Variants in ABCA13 observed in about 807,000 individuals in gnomAD.
ABCA13 encodes ATP-binding cassette sub-family A member 13.
In ABCA13, 476 loss-of-function variants were observed where a neutral mutation model predicts 478.7. The ratio of observed to expected loss-of-function variants is 0.99; its 90% CI spans 0.92 to 1.07. ABCA13 has a LOEUF of 1.07. Ranked by LOEUF, ABCA13 falls within the 50% of genes least tolerant of loss-of-function variation. The probability of loss-of-function intolerance (pLI) is 0.00; values close to 1 mark genes in which losing one functional copy is unlikely to be tolerated. For synonymous variants in ABCA13, 2,252 were observed against 2,158.9 expected (o/e 1.04, Z -1.20); for missense variants, 6,060 against 5,910.6 (o/e 1.03, Z -0.83).
At chr7:48,310,414 T>C (rs936406679) in intron 24 of ABCA13, among the ~76,000 whole-genome samples, 1 of 152,182 alleles carries the variant, frequency 6.6e-6, no homozygotes, top group African/African-American at 2.4e-5. Flanking sequence ...GTGATCTCCA[T>C]GCTCATTGTG....
chr7:48,641,240 G>T lies in ABCA13; in HGVS notation c.14838-2048G>T, dbSNP rs553237803. On this transcript the variant is annotated intron_variant, in intron 59 of 61. Transcript: ENST00000435803. ...TGCATAAGAACATACAGCCATCTCT[G>T]TGCCACTGTCTCCTCATACCATTGT... Among the ~76,000 whole-genome samples the T allele has an allele frequency of 4.6e-5, 7 of 152,274 alleles. No individual in the cohort carries two copies. The South Asian group carries it at 1.5e-3, about 32-fold the overall frequency.
At chr7:48,623,464 A>G (rs1330042493) in intron 59 of ABCA13, among the ~76,000 whole-genome samples, 1 of 152,096 alleles carries the variant, frequency 6.6e-6, no homozygotes, top group Non-Finnish European at 1.5e-5. Context: ...TACATCCTTG[A>G]TCTTTTCACA....
chr7:48,305,595 C>T (rs1800787277), intron 23 of ABCA13, among the ~76,000 whole-genome samples: 2 of 152,324 alleles, frequency 1.3e-5, no homozygotes, highest in East Asian at 1.9e-4. Context: ...AGCCTTTCCT[C>T]CCATGCTTTC....
At chr7:48,349,300 A>G (rs184625644) in intron 29 of ABCA13, among the ~76,000 whole-genome samples, 1 of 152,214 alleles carries the variant, frequency 6.6e-6, no homozygotes, top group Admixed American at 6.5e-5. Context: ...ATAATGAATA[A>G]CAGTCTTTTC....
At chr7:48,372,722 A>G (rs1332606155) in intron 33 of ABCA13, among the ~76,000 whole-genome samples, 2 of 152,228 alleles carry the variant, frequency 1.3e-5, no homozygotes, top group Non-Finnish European at 2.9e-5. Context: ...TTTACATAAC[A>G]GAGACTTTCT....
At chr7:48,537,438 C>T (rs1276774331) in intron 55 of ABCA13, among the ~76,000 whole-genome samples, 2 of 152,110 alleles carry the variant, frequency 1.3e-5, no homozygotes, top group Non-Finnish European at 2.9e-5. Context: ...CTCAGCAAGG[C>T]AATTTTACTT....
At position 48,233,210 on chromosome 7, in the gene ABCA13, C is replaced by T. The variant is rs576280100; in HGVS notation, c.764-808C>T. The stretch of plus-strand genomic sequence containing the variant: ...TAGACCTCACTGCAATTATAAGGAT[C>T]CTATGAGATAATGCTTGTGAAAATG... On this transcript the variant is annotated intron_variant, in intron 7 of 61. Transcript: ENST00000435803. Among the ~76,000 whole-genome samples the T allele has an allele frequency of 8.5e-5, 13 of 152,158 alleles. No individual in the cohort carries two copies. The South Asian group carries it at 2.7e-3, about 32-fold the overall frequency.
Position 48,441,805 on chromosome 7 carries a change from G to C in ABCA13, c.12566-13232G>C, listed in dbSNP as rs1823630508. 2.0e-5 allele frequency among the ~76,000 whole-genome samples: 3 copies of C among 152,082 alleles called. 1 individual carries two copies. The highest frequency in any genetic ancestry group is 4.2e-4 in the South Asian group (2 of 4,812). Reference sequence around the variant, plus strand: ...TTATAGAGATGTGATTTGGATTTCTGGGCAGTGTTGAGAGCCCTGTTACTA... The same window carrying C: ...TTATAGAGATGTGATTTGGATTTCTCGGCAGTGTTGAGAGCCCTGTTACTA... On this transcript the variant is annotated intron_variant, in intron 42 of 61. Coordinates refer to ENST00000435803, the MANE Select transcript of ABCA13 (RefSeq NM_152701.5).
intron 59 of ABCA13, among the ~76,000 whole-genome samples, chr7:48,640,961 G>A (rs1029583216): frequency 5.9e-5 from 9 of 152,060 alleles, no homozygotes; most frequent in African/African-American, 2.2e-4. Context: ...TGGAAGACTG[G>A]TAGAATTTAC....
intron 59 of ABCA13, among the ~76,000 whole-genome samples, chr7:48,615,842 ATGG>A (rs1386634416): frequency 6.6e-6 from 1 of 152,170 alleles, no homozygotes; most frequent in Non-Finnish European, 1.5e-5. Context: ...GAGGGTTGTT[ATGG>A]TTGCTTTCCA....
intron 43 of ABCA13, among the ~76,000 whole-genome samples, chr7:48,456,744 G>A (rs1028065604): frequency 2.6e-5 from 4 of 151,880 alleles, no homozygotes; most frequent in African/African-American, 9.7e-5. Flanking sequence ...GTAGTATGTT[G>A]TTGGAGGCAC....
chr7:48,285,699 C>T (rs1240710427), intron 19 of ABCA13, among the ~76,000 whole-genome samples: 1 of 152,212 alleles, frequency 6.6e-6, no homozygotes, highest in Admixed American at 6.5e-5. Flanking sequence ...TTTCAGGGTG[C>T]ATTCTCTGCT....
At chr7:48,504,885 G>A (rs1004521971) in intron 48 of ABCA13, among the ~76,000 whole-genome samples, 2 of 152,156 alleles carry the variant, frequency 1.3e-5, no homozygotes, top group Non-Finnish European at 2.9e-5. Flanking sequence ...GACAGGACTG[G>A]CAGGCCCCAT....
At chr7:48,523,933 T>G (rs933201713) in intron 53 of ABCA13, among the ~76,000 whole-genome samples, 2 of 152,234 alleles carry the variant, frequency 1.3e-5, no homozygotes, top group Admixed American at 1.3e-4. Context: ...AATTTTGTGA[T>G]AAGCTATTTT....
At chr7:48,234,744 T>C (rs1789692288) in intron 8 of ABCA13, among the ~76,000 whole-genome samples, 1 of 152,176 alleles carries the variant, frequency 6.6e-6, no homozygotes, top group African/African-American at 2.4e-5. Context: ...TCCAGCCCAT[T>C]TGTAGGCACT....
intron 1 of ABCA13, among the ~76,000 whole-genome samples, chr7:48,183,004 C>T (rs1438626690): frequency 2.0e-5 from 3 of 152,082 alleles, no homozygotes; most frequent in Non-Finnish European, 4.4e-5. Flanking sequence ...CCCCAAGTGC[C>T]CCAAAGAGAC....
chr7:48,415,974 T>A (rs1196842453), intron 41 of ABCA13, among the ~76,000 whole-genome samples: 1 of 152,162 alleles, frequency 6.6e-6, no homozygotes, highest in Non-Finnish European at 1.5e-5. Flanking sequence ...CCTCCCTTCC[T>A]CCTTCCTGCC....
At chr7:48,412,677 G>C in intron 41 of ABCA13, 94 bp downstream of exon 41, 1 of 925,232 alleles carries the variant, frequency 1.1e-6, no homozygotes, top group Non-Finnish European at 1.5e-6. Context: ...GGGAGATGTG[G>C]GTAAGGGGGA....
At position 48,275,989 on chromosome 7, in the gene ABCA13, T is replaced by A; in HGVS notation, c.6323T>A (p.Leu2108Gln). 1 of 1,613,312 alleles carries A rather than the reference T, an allele frequency of 6.2e-7. No homozygotes were observed. The highest frequency in any genetic ancestry group is 2.2e-5 in the East Asian group (1 of 44,828). Reference protein sequence around the residue: ...TLQFAHFLEILDSPSLKTLEI... With the variant: ...TLQFAHFLEIQDSPSLKTLEI... ...CAGTTTGCCCATTTCCTGGAAATCC[T>A]GGATTCACCGTCATTGAAGACATTA... The change falls in exon 17 of 62, where the codon CTG becomes CAG. Residue 2108 changes from leucine (L) to glutamine (Q), a missense_variant. Physicochemically the swap from Leu to Gln is moderately radical, Grantham distance 113 (BLOSUM62 -2). Around this residue, in one of 3 missense-constraint regions of ABCA13, gnomAD observed 4,423 missense variants for 4,309.1 expected, o/e 1.03. Coordinates refer to ENST00000435803, the MANE Select transcript of ABCA13 (RefSeq NM_152701.5).
Sources: gnomAD v4.1 joint callset for allele counts (sites outside exome capture counted in the v4.1 genomes callset) on GRCh38, gnomAD v4.1.1 for gene constraint, gnomAD v4.1.1 regional missense constraint, MANE v1.5 for transcripts, NCBI Gene and HGNC (gene_info 2026-07-23, HGNC 2026-07-21) for gene names.